The following PDE10A variants were observed in gnomAD, a reference collection of about 807,000 sequenced individuals.
The protein encoded by PDE10A is phosphodiesterase 10A, also known as cAMP and cAMP-inhibited cGMP 3',5'-cyclic phosphodiesterase 10A.
A neutral mutation model predicts 97.7 loss-of-function variants in PDE10A; 39 were observed. The ratio of observed to expected loss-of-function variants is 0.40; its 90% CI spans 0.31 to 0.52. The LOEUF is 0.52. Ranked by LOEUF, PDE10A falls within the 20% of genes least tolerant of loss-of-function variation. The pLI, the probability that PDE10A is intolerant of heterozygous loss-of-function variation, is 0.56. For missense variants in PDE10A, 731 were observed against 1,047.8 expected, an observed-to-expected ratio of 0.70 and a Z score of 4.17; for synonymous variants, 371 against 376.8, an observed-to-expected ratio of 0.98 and a Z score of 0.18.
At chr6:165,778,472 C>G (rs1216696862) in intron 1 of PDE10A, among the ~76,000 whole-genome samples, 2 of 152,188 alleles carry the variant, frequency 1.3e-5, no homozygotes, top group Non-Finnish European at 2.9e-5. Context: ...CCATTTTTCT[C>G]TATAATGACT....
chr6:165,791,107 G>C (rs1352958463), intron 1 of PDE10A, among the ~76,000 whole-genome samples: 1 of 151,938 alleles, frequency 6.6e-6, no homozygotes, highest in Non-Finnish European at 1.5e-5. Context: ...ACCATGCCCA[G>C]CTAATTTTTA....
intron 1 of PDE10A, among the ~76,000 whole-genome samples, chr6:165,784,018 G>C (rs879391547): frequency 1.3e-5 from 2 of 152,060 alleles, no homozygotes; most frequent in African/African-American, 2.4e-5. Flanking sequence ...AGGAGTTCAA[G>C]ACCAGCCTGG....
intron 1 of PDE10A, among the ~76,000 whole-genome samples, chr6:165,564,925 C>G (rs1023650461): frequency 6.6e-6 from 1 of 152,016 alleles, no homozygotes; most frequent in South Asian, 2.1e-4. Context: ...TAAAAATCTG[C>G]CCAAAATGTG....
chr6:165,395,374 C>T, intron 14 of PDE10A, 110 bp from the exon 15 acceptor site: 4 of 666,424 alleles, frequency 6.0e-6, no homozygotes, highest in South Asian at 5.8e-5. Context: ...ACACTGGGAG[C>T]TCAGCCATCC....
In PDE10A at chr6:165,956,929, T is replaced by C. The variant is rs532682820; in HGVS notation, c.-615+30600A>G. ...ATTCCACCTCCACCCTCTCAGAGCA[T>C]TTGAAGGAGTGGGGCCAGCCCAGGG... is the stretch of plus-strand genomic sequence containing the variant. On this transcript the variant is annotated intron_variant, in intron 1 of 19. Coordinates refer to the PDE10A transcript ENST00000366882. Among the ~76,000 whole-genome samples, 18 of 152,312 alleles carry C rather than the reference T, an allele frequency of 1.2e-4. No homozygotes were observed. The South Asian group carries it at 2.9e-3, about 25-fold the overall frequency.
At chr6:165,968,417 C>G (rs1041103509) in intron 1 of PDE10A, among the ~76,000 whole-genome samples, 30 of 152,272 alleles carry the variant, frequency 2.0e-4, no homozygotes, top group African/African-American at 7.2e-4. Flanking sequence ...CATGAAGCCA[C>G]CACTACCACC....
intron 1 of PDE10A, among the ~76,000 whole-genome samples, chr6:165,712,631 CTTTTTTTTTTTTTT>C (rs71675206): frequency 2.2e-5 from 2 of 88,972 alleles, no homozygotes; most frequent in African/African-American, 9.0e-5. Context: ...AACTTTCTTT[CTTTTTTTTTTTTTT>C]TTTTTTTTTT....
At chr6:165,967,251 C>T (rs770473762) in intron 1 of PDE10A, among the ~76,000 whole-genome samples, 1 of 152,208 alleles carries the variant, frequency 6.6e-6, no homozygotes, top group Non-Finnish European at 1.5e-5. Context: ...GTAATCTTAA[C>T]TTTGGGAGGC....
At chr6:165,602,206 G>A (rs1786989887) in intron 1 of PDE10A, among the ~76,000 whole-genome samples, 1 of 152,094 alleles carries the variant, frequency 6.6e-6, no homozygotes, top group African/African-American at 2.4e-5. Flanking sequence ...GGTAACAAAC[G>A]GCAGCAACAG....
chr6:165,892,266 A>C (rs937368160), intron 1 of PDE10A, among the ~76,000 whole-genome samples: 6 of 152,168 alleles, frequency 3.9e-5, no homozygotes, highest in African/African-American at 1.4e-4. Context: ...TTCGGGTGAC[A>C]CAGGAGGAGG....
At chr6:165,402,820 A>C (rs1322417999) in intron 13 of PDE10A, among the ~76,000 whole-genome samples, 1 of 152,226 alleles carries the variant, frequency 6.6e-6, no homozygotes, top group Admixed American at 6.5e-5. Flanking sequence ...ATATTTAATT[A>C]GTGATTATTT....
chr6:165,956,764 A>T (rs1196113181), intron 1 of PDE10A, among the ~76,000 whole-genome samples: 3 of 152,200 alleles, frequency 2.0e-5, no homozygotes, highest in African/African-American at 7.2e-5. Flanking sequence ...ACAGGAACAG[A>T]TGTGTCAACC....
At chr6:165,516,258 C>A (rs544099077) in intron 2 of PDE10A, among the ~76,000 whole-genome samples, 16 of 152,242 alleles carry the variant, frequency 1.1e-4, no homozygotes, top group African/African-American at 3.9e-4. Flanking sequence ...CATACAGTCT[C>A]TTAATACTCC....
At chr6:165,700,571 A>C (rs1048595490) in intron 1 of PDE10A, among the ~76,000 whole-genome samples, 12 of 152,260 alleles carry the variant, frequency 7.9e-5, no homozygotes, top group African/African-American at 2.9e-4. Flanking sequence ...ACCGTTTTGC[A>C]GGTAATGTTA....
intron 13 of PDE10A, among the ~76,000 whole-genome samples, chr6:165,405,265 GAAGTTCCATCTTAGGGCAGACATAA>G (rs964934397): frequency 6.6e-6 from 1 of 152,100 alleles, no homozygotes; most frequent in Non-Finnish European, 1.5e-5. Flanking sequence ...TGTAAGCTCA[GAAGTTCCATCTTAGGGCAGACATAA>G]AAGGTACCTC....
At chr6:165,514,209 C>T (rs1781664766) in intron 2 of PDE10A, among the ~76,000 whole-genome samples, 1 of 152,076 alleles carries the variant, frequency 6.6e-6, no homozygotes, top group Admixed American at 6.6e-5. Flanking sequence ...AGGATTATTG[C>T]ATTTATGTTC....
At chr6:165,333,234 T>C (rs1202734235) in intron 21 of PDE10A, 107 bp from the exon 22 acceptor site, 3 of 711,994 alleles carry the variant, frequency 4.2e-6, no homozygotes, top group Non-Finnish European at 7.6e-6. Context: ...ACAACGGCAT[T>C]GTGTGGGGCC....
intron 1 of PDE10A, among the ~76,000 whole-genome samples, chr6:165,607,677 G>A (rs980918496): frequency 1.3e-5 from 2 of 152,200 alleles, no homozygotes; most frequent in Non-Finnish European, 2.9e-5. Context: ...CTGGGCAGCT[G>A]CAGCGTGAAT....
intron 1 of PDE10A, among the ~76,000 whole-genome samples, chr6:165,553,232 A>G (rs548726590): frequency 6.6e-6 from 1 of 151,936 alleles, no homozygotes; most frequent in African/African-American, 2.4e-5. Flanking sequence ...TTTGGGGAGG[A>G]GGGGGGTGTC....
Sources: gnomAD v4.1 joint callset for allele counts (sites outside exome capture counted in the v4.1 genomes callset) on GRCh38, gnomAD v4.1.1 for gene constraint, MANE v1.5 for transcripts, NCBI Gene and HGNC (gene_info 2026-07-23, HGNC 2026-07-21) for gene names.